EPN2: variants seen among roughly 807,000 people sequenced by gnomAD.
The protein encoded by EPN2 is epsin 2.
In EPN2, 34 loss-of-function variants were observed where a neutral mutation model predicts 61.7. The observed-to-expected ratio is 0.55, with a 90% CI of 0.42 to 0.73. The LOEUF (loss-of-function observed/expected upper bound fraction) is 0.73, where lower values mean the gene tolerates loss of function less well. Among genes scored for constraint, EPN2 ranks in the 30% least tolerant of loss-of-function variants. The pLI, the probability that EPN2 is intolerant of heterozygous loss-of-function variation, is 0.00. For synonymous variants in EPN2, 349 were observed against 353.6 expected (o/e 0.99, Z 0.15); for missense variants, 714 against 839.2 (o/e 0.85, Z 1.84).
chr17:19,293,534 C>CTTTTT (rs71155390), intron 4 of EPN2, among the ~76,000 whole-genome samples: 2 of 52,446 alleles, frequency 3.8e-5, no homozygotes, highest in Non-Finnish European at 6.8e-5. Context: ...CCATACCCAG[C>CTTTTT]TTTTTTTTTT....
intron 1 of EPN2, among the ~76,000 whole-genome samples, chr17:19,272,850 C>T (rs1186404880): frequency 6.6e-6 from 1 of 152,006 alleles, no homozygotes. Context: ...CCTTGCCATA[C>T]CCCTGTTTTC....
chr17:19,306,847 G>A (rs1334787295), intron 4 of EPN2, among the ~76,000 whole-genome samples: 1 of 152,180 alleles, frequency 6.6e-6, no homozygotes, highest in Non-Finnish European at 1.5e-5. Context: ...CCATTTGGTA[G>A]TAAATGAAGG....
At chr17:19,264,940 T>A (rs1217191859) in intron 1 of EPN2, among the ~76,000 whole-genome samples, 2 of 151,790 alleles carry the variant, frequency 1.3e-5, no homozygotes, top group East Asian at 3.9e-4. Flanking sequence ...CTCCAAGGCC[T>A]CTGGCTCAGT....
At position 19,334,466 on chromosome 17, in the gene EPN2, C is replaced by T; in HGVS notation, c.*212C>T. The stretch of plus-strand genomic sequence containing the variant: ...TCAGCCTGGCCTGCTCTCACCACCT[C>T]CTCCAAAGCACTGAGGTCCTGGCAG... On this transcript the variant is annotated 3_prime_UTR_variant, in exon 11 of 11. Transcript: ENST00000314728. This position sits in a 1 kb window ranked among gnomAD's most constrained non-coding sequence, Gnocchi z 4.9. 2.5e-6 allele frequency: 1 copy of T among 403,256 alleles called. No individual in the cohort carries two copies. Among genetic ancestry groups the T allele is most frequent in the Non-Finnish European group, 4.4e-6 (1 of 229,834 alleles). The allele number at this position is 403,256 out of a possible 1,614,324, so 25.0% of individuals were successfully genotyped here.
rs779773301 is a variant in EPN2, at chr17:19,285,701, G to T, written c.677G>T (p.Arg226Leu). 1 of 1,595,282 alleles carries T rather than the reference G, an allele frequency of 6.3e-7. No individual in the cohort carries two copies. The highest frequency in any genetic ancestry group is 8.5e-7 in the Non-Finnish European group (1 of 1,172,176). ...GAGGAGCTGCAGCCACTGAGCCAGC[G>T]CCACCCCTTCCTGCCGCACCTGGGG... ...QSEELQPLSQ[R>L]HPFLPHLGLA... The change falls in exon 4 of 11, where the codon CGC becomes CTC. Residue 226 changes from arginine (R) to leucine (L), a missense_variant. This residue lies in a region of EPN2 where 304 missense variants were observed against 417.4 expected (regional missense o/e 0.73). Transcript: ENST00000314728. The surrounding 1 kb of genome is among the most constrained non-coding windows in gnomAD (Gnocchi z 4.5).
chr17:19,259,480 C>T (rs755649649), intron 1 of EPN2, among the ~76,000 whole-genome samples: 7 of 151,724 alleles, frequency 4.6e-5, no homozygotes, highest in Admixed American at 1.3e-4. Flanking sequence ...GCCTGGCTAA[C>T]TTTTTGTATT....
At chr17:19,244,906 G>A (rs2044927961) in intron 1 of EPN2, among the ~76,000 whole-genome samples, 1 of 152,190 alleles carries the variant, frequency 6.6e-6, no homozygotes, top group African/African-American at 2.4e-5. Context: ...GCTGCCACCT[G>A]TGTCAAACTC....
At chr17:19,303,162 G>A (rs1905618231) in intron 4 of EPN2, among the ~76,000 whole-genome samples, 1 of 152,200 alleles carries the variant, frequency 6.6e-6, no homozygotes, top group African/African-American at 2.4e-5. Context: ...TTAAGAATAA[G>A]TTGTGGGTAT....
chr17:19,260,582 T>C (rs1307307881), intron 1 of EPN2, among the ~76,000 whole-genome samples: 1 of 151,916 alleles, frequency 6.6e-6, no homozygotes, highest in Non-Finnish European at 1.5e-5. Context: ...GGCCAAAGGC[T>C]TTGATGTGGC....
At chr17:19,324,081 A>G (rs927118338) in intron 7 of EPN2, among the ~76,000 whole-genome samples, 2 of 152,256 alleles carry the variant, frequency 1.3e-5, no homozygotes, top group Non-Finnish European at 2.9e-5. Context: ...CAGCAATTGG[A>G]GAATACACAT....
At chr17:19,238,144 G>A (rs983152487) in intron 1 of EPN2, among the ~76,000 whole-genome samples, 1 of 152,262 alleles carries the variant, frequency 6.6e-6, no homozygotes, top group African/African-American at 2.4e-5. Flanking sequence ...ACGGAACAGC[G>A]GGGACGGGGG....
intron 1 of EPN2, among the ~76,000 whole-genome samples, chr17:19,259,610 C>G (rs888017041): frequency 3.9e-5 from 6 of 152,170 alleles, no homozygotes; most frequent in Admixed American, 3.9e-4. Context: ...CAGCGCCCGG[C>G]TGAGTATTGG....
chr17:19,276,792 G>GTTTTTTT (rs2045311547), intron 1 of EPN2, among the ~76,000 whole-genome samples: 3 of 45,076 alleles, frequency 6.7e-5, no homozygotes, highest in African/African-American at 5.7e-4. Flanking sequence ...TTTTTTTTTT[G>GTTTTTTT]CTGTATTGGG....
At chr17:19,286,757 T>C (rs186420210) in intron 4 of EPN2, among the ~76,000 whole-genome samples, 65 of 152,334 alleles carry the variant, frequency 4.3e-4, no homozygotes, top group African/African-American at 1.5e-3. Flanking sequence ...ATATTTTCCT[T>C]CATGTCCCTG....
intron 1 of EPN2, among the ~76,000 whole-genome samples, chr17:19,277,797 G>A (rs993293792): frequency 1.3e-5 from 2 of 152,214 alleles, no homozygotes; most frequent in African/African-American, 4.8e-5. Context: ...CTTTGGCCGG[G>A]CGCGGTGGCT....
intron 4 of EPN2, among the ~76,000 whole-genome samples, chr17:19,286,371 C>T (rs1379243266): frequency 6.6e-6 from 1 of 152,058 alleles, no homozygotes; most frequent in African/African-American, 2.4e-5. Flanking sequence ...TTCTAGGTCA[C>T]GGTGTTTGAA....
At position 19,335,444 on chromosome 17, in the gene EPN2, T is replaced by C; in HGVS notation, c.*1190T>C. The C allele has an allele frequency of 3.9e-6, 6 of 1,550,086 alleles. No homozygotes were observed. The highest frequency in any genetic ancestry group is 5.2e-6 in the Non-Finnish European group (6 of 1,146,680). On this transcript the variant is annotated 3_prime_UTR_variant, in exon 11 of 11. Coordinates refer to ENST00000314728, the MANE Select transcript of EPN2 (RefSeq NM_014964.5). ...ACAGGACTTCTGTTTACAATGGAAATCTGAAATGGAAGAAACATCTTTAAC... is the reference window on the plus strand; with the variant it reads ...ACAGGACTTCTGTTTACAATGGAAACCTGAAATGGAAGAAACATCTTTAAC...
chr17:19,244,418 C>T (rs1296969133), intron 1 of EPN2, among the ~76,000 whole-genome samples: 1 of 150,768 alleles, frequency 6.6e-6, no homozygotes, highest in African/African-American at 2.4e-5. Flanking sequence ...GAGATTGTGC[C>T]ACTACACTCC....
chr17:19,276,360 A>ATTTTTTTTTTTTTTT (rs140536354), intron 1 of EPN2: 8 of 79,924 alleles, frequency 1.0e-4, no homozygotes, highest in African/African-American at 3.1e-4. Context: ...GCTAATTAAA[A>ATTTTTTTTTTTTTTT]TTTTTTTTTT....
Sources: allele counts gnomAD v4.1 joint callset (sites outside exome capture counted in the v4.1 genomes callset), GRCh38; gene constraint gnomAD v4.1.1; regional missense constraint gnomAD v4.1.1; non-coding constraint Gnocchi (gnomAD v3.1); transcripts MANE v1.5; gene names NCBI Gene and HGNC (gene_info 2026-07-23, HGNC 2026-07-21).